The following CCDC33 variants were observed in gnomAD, a reference collection of about 807,000 sequenced individuals.
The protein encoded by CCDC33 is coiled-coil domain-containing protein 33.
A neutral mutation model predicts 91.9 loss-of-function variants in CCDC33; 94 were observed. The ratio of observed to expected loss-of-function variants is 1.02; its 90% CI spans 0.87 to 1.21. The LOEUF (loss-of-function observed/expected upper bound fraction) is 1.21. CCDC33 is among the 50% of genes most tolerant of loss of function. The probability of loss-of-function intolerance (pLI) is 0.00; values close to 1 mark genes in which losing one functional copy is unlikely to be tolerated. For missense variants in CCDC33, 940 were observed against 935.5 expected (o/e 1.00, Z -0.06); for synonymous variants, 396 against 374.5 (o/e 1.06, Z -0.66).
At chr15:74,274,683 C>G (rs2076405633) in intron 7 of CCDC33, among the ~76,000 whole-genome samples, 1 of 152,236 alleles carries the variant, frequency 6.6e-6, no homozygotes, top group South Asian at 2.1e-4. Flanking sequence ...AATCAGCAGG[C>G]TGTCCCAAGG....
chr15:74,285,243 T>G (rs1032720256), intron 10 of CCDC33, among the ~76,000 whole-genome samples: 10 of 152,106 alleles, frequency 6.6e-5, no homozygotes, highest in Non-Finnish European at 1.5e-4. Context: ...CAGGCTGTCC[T>G]GGATAATTGG....
In CCDC33 at chr15:74,335,959, CCTCAGAG is replaced by C. The variant is rs2060559019; in HGVS notation, c.2177_2183del (p.Ser726TrpfsTer16). On this transcript the variant is annotated frameshift_variant, in exon 19 of 19. Transcript: ENST00000398814. LOFTEE classifies it low-confidence loss of function (END_TRUNC). ...ACCCACTCCATGGACCTCAAGCAGC[CCTCAGAG>C]CTGGAGCCCCTGCTGCCCAGCTCAG... is the stretch of plus-strand genomic sequence containing the variant. The C allele has an allele frequency of 6.2e-7, 1 of 1,613,924 alleles. No homozygotes were observed. Among genetic ancestry groups the C allele is most frequent in the African/African-American group, 1.3e-5 (1 of 75,024 alleles).
intron 4 of CCDC33, among the ~76,000 whole-genome samples, chr15:74,267,458 G>T (rs2076196477): frequency 6.6e-6 from 1 of 152,220 alleles, no homozygotes; most frequent in Non-Finnish European, 1.5e-5. Flanking sequence ...CTCCAAGGTT[G>T]GGCCTCCCAG....
In CCDC33 at chr15:74,240,802, C is replaced by T. The variant is rs1356175646; in HGVS notation, c.22-3183C>T. Among the ~76,000 whole-genome samples the T allele has an allele frequency of 2.0e-5, 3 of 152,120 alleles. No individual in the cohort carries two copies. In the East Asian group the frequency reaches 5.8e-4, roughly 29 times the overall value. The stretch of plus-strand genomic sequence containing the variant: ...GAGATGGGGTTTCACCATGTTGGCC[C>T]GGCTGGTCTCGATCTCCCAGCCTCC... On this transcript the variant is annotated intron_variant, in intron 1 of 18. Transcript: ENST00000398814.
At chr15:74,231,966 A>G (rs2074986737), upstream of CCDC33, among the ~76,000 whole-genome samples, 1 of 152,186 alleles carries the variant, frequency 6.6e-6, no homozygotes, top group African/African-American at 2.4e-5. Flanking sequence ...GTTAGCTGAG[A>G]TTATGCCACT....
At chr15:74,203,264 G>T (rs1272128069) in intron 1 of CCDC33, 3 of 961,732 alleles carry the variant, frequency 3.1e-6, no homozygotes, top group Non-Finnish European at 3.7e-6. Context: ...CCACAAGGCG[G>T]AAATTAGCTC....
chr15:74,335,222 G>A (rs1479582478), intron 18 of CCDC33, 134 bp downstream of exon 18: 2 of 790,434 alleles, frequency 2.5e-6, no homozygotes, highest in Non-Finnish European at 4.6e-6. Context: ...GGAGTCCTAG[G>A]CTCCCATTCC....
At chr15:74,261,558 T>TC (rs2076024591) in intron 2 of CCDC33, among the ~76,000 whole-genome samples, 1 of 152,104 alleles carries the variant, frequency 6.6e-6, no homozygotes, top group Non-Finnish European at 1.5e-5. Context: ...GTGGTGTGGC[T>TC]CCCCCTGCTA....
Position 74,280,775 on chromosome 15 carries a change from C to T in CCDC33, c.997C>T (p.Leu333Phe), listed in dbSNP as rs752774987. 32 of 1,559,156 alleles carry T rather than the reference C, an allele frequency of 2.1e-5. No individual in the cohort carries two copies. Among genetic ancestry groups the T allele is most frequent in the Non-Finnish European group, 2.6e-6 (3 of 1,152,082 alleles). ...GCTGACAGGGAAAGGCTTGGACGGGCTTCACGTGGAGCGGCTCCCCATCAT... is the reference window on the plus strand; with the variant it reads ...GCTGACAGGGAAAGGCTTGGACGGGTTTCACGTGGAGCGGCTCCCCATCAT... ...KMLTGKGLDG[L>F]HVERLPIMDT... Residue 333 changes from leucine (L) to phenylalanine (F), a missense_variant, in exon 9 of 19, where the codon CTT becomes TTT. Leu to Phe is a conservative substitution (Grantham distance 22). Coordinates refer to ENST00000398814, the MANE Select transcript of CCDC33 (RefSeq NM_025055.5).
chr15:74,243,739 C>T (rs926708503), intron 1 of CCDC33: 12 of 534,978 alleles, frequency 2.2e-5, no homozygotes, highest in Non-Finnish European at 2.5e-5. Context: ...GGCAGATCAC[C>T]TGAGGTCAGG....
intron 2 of CCDC33, among the ~76,000 whole-genome samples, chr15:74,219,207 C>T (rs2074525096): frequency 6.6e-6 from 1 of 152,208 alleles, no homozygotes; most frequent in South Asian, 2.1e-4. Flanking sequence ...ACAGAAGCCT[C>T]CTCTGTGTGC....
intron 10 of CCDC33, among the ~76,000 whole-genome samples, chr15:74,283,412 G>C (rs565840967): frequency 6.6e-6 from 1 of 152,352 alleles, no homozygotes; most frequent in South Asian, 2.1e-4. Context: ...GGACTGACTA[G>C]TGGGCCCAGG....
upstream of CCDC33, among the ~76,000 whole-genome samples, chr15:74,234,875 T>C (rs77352705): frequency 0.076 from 11,602 of 152,278 alleles, 480 homozygotes; most frequent in East Asian, 0.11. Flanking sequence ...GCCCTGAGAA[T>C]GAGTGCTTCA....
At chr15:74,280,541 T>G in intron 8 of CCDC33, 127 bp from the exon 9 acceptor site, 2 of 1,033,918 alleles carry the variant, frequency 1.9e-6, no homozygotes, top group Non-Finnish European at 2.7e-6. Context: ...AGAGGATGTA[T>G]GTGCAGGGAA....
intron 2 of CCDC33, among the ~76,000 whole-genome samples, chr15:74,226,685 C>T (rs2074806986): frequency 6.6e-6 from 1 of 151,856 alleles, no homozygotes; most frequent in African/African-American, 2.4e-5. Flanking sequence ...AAAATTAGCC[C>T]GTCGTGGTGG....
chr15:74,335,776 T>C (rs1445348480), intron 18 of CCDC33, 149 bp from the exon 19 acceptor site: 1 of 670,374 alleles, frequency 1.5e-6, no homozygotes, highest in African/African-American at 1.8e-5. Flanking sequence ...TGTCACCTGC[T>C]GTGGCAAAAT....
At chr15:74,321,088 C>T (rs2060197374) in intron 11 of CCDC33, among the ~76,000 whole-genome samples, 2 of 152,176 alleles carry the variant, frequency 1.3e-5, no homozygotes, top group Admixed American at 1.3e-4. Flanking sequence ...TCAGGCACAA[C>T]CTCCATCCTC....
intron 4 of CCDC33, among the ~76,000 whole-genome samples, chr15:74,267,461 C>T (rs1419235351): frequency 6.6e-6 from 1 of 152,164 alleles, no homozygotes; most frequent in African/African-American, 2.4e-5. Context: ...CAAGGTTGGG[C>T]CTCCCAGGCC....
chr15:74,255,805 G>A (rs926311504), intron 2 of CCDC33, among the ~76,000 whole-genome samples: 4 of 152,234 alleles, frequency 2.6e-5, no homozygotes, highest in Non-Finnish European at 5.9e-5. Context: ...TCCCCACTTT[G>A]GGGACACGCT....
Sources: gnomAD v4.1 joint callset for allele counts (sites outside exome capture counted in the v4.1 genomes callset) on GRCh38, gnomAD v4.1.1 for gene constraint, MANE v1.5 for transcripts, NCBI Gene and HGNC (gene_info 2026-07-23, HGNC 2026-07-21) for gene names.